The following ATXN1 variants were observed in gnomAD, a reference collection of about 807,000 sequenced individuals.
ATXN1 encodes the protein ataxin-1.
Under a neutral mutation model 56.4 loss-of-function variants are expected in ATXN1, and 8 were observed. The ratio of observed to expected loss-of-function variants is 0.14; its 90% CI spans 0.08 to 0.26. The LOEUF (loss-of-function observed/expected upper bound fraction) is 0.26, where lower values mean the gene tolerates loss of function less well. Ranked by LOEUF, ATXN1 falls within the 10% of genes least tolerant of loss-of-function variation. ATXN1 has a pLI of 1.00. For missense variants in ATXN1, 987 were observed against 1,106.5 expected (o/e 0.89, Z 1.53); for synonymous variants, 514 against 494.6 (o/e 1.04, Z -0.52).
At chr6:16,599,780 C>T (rs1315552748) in intron 3 of ATXN1, among the ~76,000 whole-genome samples, 2 of 151,292 alleles carry the variant, frequency 1.3e-5, no homozygotes, top group Non-Finnish European at 2.9e-5. Flanking sequence ...TAAACAGTAA[C>T]AGCTATCACA....
At chr6:16,624,740 C>G (rs1421424974) in intron 3 of ATXN1, among the ~76,000 whole-genome samples, 1 of 152,122 alleles carries the variant, frequency 6.6e-6, no homozygotes, top group Non-Finnish European at 1.5e-5. Context: ...CACATTGCAA[C>G]CTTGACACAA....
intron 4 of ATXN1, among the ~76,000 whole-genome samples, chr6:16,526,687 C>G (rs1194355491): frequency 1.3e-5 from 2 of 151,630 alleles, no homozygotes; most frequent in Non-Finnish European, 2.9e-5. Flanking sequence ...ATCACTTGAA[C>G]CCGGGAGGTG....
At chr6:16,360,512 G>A (rs140813563) in intron 6 of ATXN1, among the ~76,000 whole-genome samples, 58 of 152,292 alleles carry the variant, frequency 3.8e-4, no homozygotes, top group Middle Eastern at 3.4e-3. Context: ...CGAAGCAAAT[G>A]CTTGAATAAA....
At chr6:16,687,032 T>C (rs1000156684) in intron 2 of ATXN1, among the ~76,000 whole-genome samples, 15 of 152,186 alleles carry the variant, frequency 9.9e-5, no homozygotes, top group Admixed American at 5.9e-4. Context: ...CACTACTCCA[T>C]ATGCTCAGAG....
At chr6:16,318,741 G>A (rs778864395) in intron 7 of ATXN1, among the ~76,000 whole-genome samples, 1 of 152,190 alleles carries the variant, frequency 6.6e-6, no homozygotes, top group Non-Finnish European at 1.5e-5. Context: ...CACATTAAAA[G>A]CTGGGTTTTT....
rs368299956 is a variant in ATXN1, at chr6:16,584,241, T to C, written c.-361+1539A>G. ...TATTGGACATATATATATATATATA[T>C]ATACACACACACACACACACACACA... On this transcript the variant is annotated intron_variant, in intron 4 of 7. Coordinates refer to ENST00000436367, the MANE Select transcript of ATXN1 (RefSeq NM_001128164.2). 3.1e-3 allele frequency among the ~76,000 whole-genome samples: 374 copies of C among 121,260 alleles called. 1 individual carries two copies. The highest frequency in any genetic ancestry group is 0.01 in the African/African-American group (299 of 28,540). The allele number at this position is 121,260 out of a possible 152,430, so 79.6% of individuals were successfully genotyped here. A position where few individuals can be genotyped will look rare whatever the true frequency, so the allele number is the denominator to read the frequency against.
At chr6:16,364,641 T>C (rs879945714) in intron 6 of ATXN1, among the ~76,000 whole-genome samples, 1 of 152,144 alleles carries the variant, frequency 6.6e-6, no homozygotes, top group Admixed American at 6.5e-5. Context: ...TAAGGTATGG[T>C]TCCCCTACTG....
At chr6:16,695,602 C>T (rs1195505351) in intron 2 of ATXN1, among the ~76,000 whole-genome samples, 1 of 152,240 alleles carries the variant, frequency 6.6e-6, no homozygotes, top group Non-Finnish European at 1.5e-5. Context: ...CTACATCTAA[C>T]AGGCCTGTCT....
chr6:16,567,941 T>C (rs560996286), intron 4 of ATXN1, among the ~76,000 whole-genome samples: 1 of 152,070 alleles, frequency 6.6e-6, no homozygotes, highest in Admixed American at 6.5e-5. Flanking sequence ...TAAAGTATTT[T>C]CCTTCCATGT....
intron 2 of ATXN1, among the ~76,000 whole-genome samples, chr6:16,703,817 C>T (rs554731796): frequency 4.5e-4 from 68 of 152,260 alleles, no homozygotes; most frequent in Admixed American, 1.3e-3. Context: ...GTCAGGAGTT[C>T]GAGACCAATC....
intron 6 of ATXN1, among the ~76,000 whole-genome samples, chr6:16,375,021 G>C (rs2237219): frequency 0.15 from 22,581 of 152,210 alleles, 2,160 homozygotes; most frequent in East Asian, 0.46. Flanking sequence ...GCAAAGAAAA[G>C]ACGCCCACTC....
chr6:16,728,608 G>A (rs1383655041), intron 2 of ATXN1, among the ~76,000 whole-genome samples: 1 of 152,150 alleles, frequency 6.6e-6, no homozygotes, highest in Non-Finnish European at 1.5e-5. Context: ...AAGGAGAATG[G>A]TAATATCATC....
chr6:16,558,114 A>G (rs1762046529), intron 4 of ATXN1, among the ~76,000 whole-genome samples: 1 of 152,074 alleles, frequency 6.6e-6, no homozygotes. Context: ...GTATAATTCT[A>G]TGAATAGATT....
chr6:16,388,556 A>G (rs1196972731), intron 6 of ATXN1, among the ~76,000 whole-genome samples: 1 of 152,240 alleles, frequency 6.6e-6, no homozygotes, highest in Non-Finnish European at 1.5e-5. Flanking sequence ...TCTAGTATTT[A>G]TCTTCTAAAG....
chr6:16,436,615 G>A (rs1168877296), intron 6 of ATXN1, among the ~76,000 whole-genome samples: 8 of 152,042 alleles, frequency 5.3e-5, no homozygotes, highest in Non-Finnish European at 1.0e-4. Flanking sequence ...AAGAACAGAA[G>A]GTACCAAGGT....
intron 2 of ATXN1, among the ~76,000 whole-genome samples, chr6:16,659,963 C>A (rs1007920623): frequency 5.3e-5 from 8 of 152,094 alleles, no homozygotes; most frequent in Non-Finnish European, 7.4e-5. Context: ...AAGGACTCAT[C>A]TAAGTGACAA....
At chr6:16,538,960 A>C (rs572737942) in intron 4 of ATXN1, among the ~76,000 whole-genome samples, 1 of 152,298 alleles carries the variant, frequency 6.6e-6, no homozygotes, top group South Asian at 2.1e-4. Context: ...TGCTGGGATT[A>C]CAGGCATGAG....
chr6:16,710,132 C>T (rs1458930348), intron 2 of ATXN1, among the ~76,000 whole-genome samples: 1 of 152,138 alleles, frequency 6.6e-6, no homozygotes, highest in Admixed American at 6.5e-5. Context: ...ATAGTTAATA[C>T]TTTCCCTGTA....
intron 2 of ATXN1, among the ~76,000 whole-genome samples, chr6:16,696,585 T>C (rs1431427794): frequency 6.6e-6 from 1 of 152,220 alleles, no homozygotes; most frequent in East Asian, 1.9e-4. Context: ...GAAGCAGTTA[T>C]TTCAGGAGTC....
Sources: gnomAD v4.1 joint callset for allele counts (sites outside exome capture counted in the v4.1 genomes callset) on GRCh38, gnomAD v4.1.1 for gene constraint, MANE v1.5 for transcripts, NCBI Gene and HGNC (gene_info 2026-07-23, HGNC 2026-07-21) for gene names.